GBE1: variants seen among roughly 807,000 people sequenced by gnomAD.
The protein encoded by GBE1 is 1,4-alpha-glucan-branching enzyme.
In GBE1, 70 loss-of-function variants were observed where a neutral mutation model predicts 88.8. That is an observed-to-expected ratio of 0.79 (90% CI 0.65 to 0.96). The LOEUF (loss-of-function observed/expected upper bound fraction) is 0.96. GBE1 is among the 40% of genes least tolerant of loss of function. The probability of loss-of-function intolerance (pLI) is 0.00; values close to 1 mark genes in which losing one functional copy is unlikely to be tolerated. For missense variants in GBE1, 872 were observed against 871.0 expected (o/e 1.00, Z -0.01); for synonymous variants, 284 against 300.1 (o/e 0.95, Z 0.56).
chr3:81,530,881 G>A (rs1703003046), intron 14 of GBE1, among the ~76,000 whole-genome samples: 1 of 151,862 alleles, frequency 6.6e-6, no homozygotes, highest in African/African-American at 2.4e-5. Context: ...GGTGCATCCT[G>A]CCAGGCCTGG....
At chr3:81,718,000 G>A (rs1705964749) in intron 1 of GBE1, among the ~76,000 whole-genome samples, 2 of 139,744 alleles carry the variant, frequency 1.4e-5, no homozygotes, top group East Asian at 2.0e-4. Flanking sequence ...TATTTATTGA[G>A]AAGGAATCTT....
chr3:81,592,295 T>G, intron 8 of GBE1, among the ~76,000 whole-genome samples: 1 of 152,106 alleles, frequency 6.6e-6, no homozygotes, highest in Middle Eastern at 3.2e-3. Context: ...CTCCATTTCC[T>G]CCACTCCTCA....
At position 81,642,984 on chromosome 3, in the gene GBE1, A is replaced by G. The variant is rs1559673593; in HGVS notation, c.789T>C (p.Tyr263=). ...ITSFFAASSR[Y]GTPEELQELV... is the part of the protein sequence containing the mutation. Reference sequence around the variant, plus strand: ...GTTCTTGTAGCTCTTCAGGTGTTCCATAACGGCTAACAATGAAGAACACAG... The same window carrying G: ...GTTCTTGTAGCTCTTCAGGTGTTCCGTAACGGCTAACAATGAAGAACACAG... Residue 263 remains tyrosine (Y), a synonymous_variant, in exon 7 of 16, where the codon TAT becomes TAC. Transcript: ENST00000429644. 4 of 1,604,908 alleles carry G rather than the reference A, an allele frequency of 2.5e-6. No individual in the cohort carries two copies. Among genetic ancestry groups the G allele is most frequent in the South Asian group, 1.1e-5 (1 of 90,208 alleles).
intron 2 of GBE1, among the ~76,000 whole-genome samples, chr3:81,699,618 C>T (rs567317247): frequency 5.9e-5 from 9 of 152,264 alleles, no homozygotes; most frequent in Admixed American, 1.3e-4. Flanking sequence ...CGTTCAAGGG[C>T]TTTAAGCATC....
chr3:81,661,566 A>G (rs1338158753), intron 3 of GBE1, among the ~76,000 whole-genome samples: 1 of 152,164 alleles, frequency 6.6e-6, no homozygotes, highest in Non-Finnish European at 1.5e-5. Flanking sequence ...AGGCTTTTAT[A>G]TGTATCTTGG....
At chr3:81,735,462 C>T (rs994365466) in intron 1 of GBE1, among the ~76,000 whole-genome samples, 4 of 152,144 alleles carry the variant, frequency 2.6e-5, no homozygotes, top group Admixed American at 1.3e-4. Flanking sequence ...TGCCAATTTC[C>T]AGGCTTGATG....
At chr3:81,542,057 C>T (rs1703149217) in intron 12 of GBE1, among the ~76,000 whole-genome samples, 1 of 152,022 alleles carries the variant, frequency 6.6e-6, no homozygotes, top group South Asian at 2.1e-4. Flanking sequence ...TCTATATCCA[C>T]ATCTGTATAT....
chr3:81,755,394 G>GA lies in GBE1; in HGVS notation c.143+5980dup, dbSNP rs543218160. Among the ~76,000 whole-genome samples the GA allele has an allele frequency of 6.1e-4, 90 of 148,304 alleles. No homozygotes were observed. The East Asian group carries it at 0.015, about 24-fold the overall frequency. On this transcript the variant is annotated intron_variant, in intron 1 of 15. Transcript: ENST00000429644. ...GAATGTAAATTACCATAGCCACTTG[G>GA]AAAAAAAAACAGTATAGAAGTTCCT...
intron 12 of GBE1, among the ~76,000 whole-genome samples, chr3:81,556,460 T>C (rs1358893838): frequency 1.3e-5 from 2 of 152,060 alleles, no homozygotes; most frequent in Non-Finnish European, 2.9e-5. Context: ...CTTGAAACTT[T>C]ACAAAGAATC....
intron 1 of GBE1, among the ~76,000 whole-genome samples, chr3:81,737,388 T>TAAA (rs1706279311): frequency 5.7e-5 from 2 of 34,852 alleles, no homozygotes; most frequent in Non-Finnish European, 1.2e-4. Context: ...TTTATATATA[T>TAAA]TTATATAAAT....
intron 3 of GBE1, among the ~76,000 whole-genome samples, chr3:81,659,749 C>A (rs1020740958): frequency 1.3e-5 from 2 of 151,902 alleles, no homozygotes; most frequent in Non-Finnish European, 2.9e-5. Context: ...TAGAGAAATT[C>A]CGAAGACTAC....
In GBE1 at chr3:81,541,742, T is replaced by A. The variant is rs539004510; in HGVS notation, c.1619-4647A>T. 3.3e-5 allele frequency among the ~76,000 whole-genome samples: 5 copies of A among 152,162 alleles called. No homozygotes were observed. In the South Asian group the frequency reaches 8.3e-4, roughly 25 times the overall value. ...GCATCCAGACTATGAGAAATAGTTT[T>A]TGTTGTTTAAGCCACCCAGTCTATG... On this transcript the variant is annotated intron_variant, in intron 12 of 15. Transcript: ENST00000429644.
chr3:81,648,613 C>T (rs974354106), intron 5 of GBE1, among the ~76,000 whole-genome samples: 1 of 152,040 alleles, frequency 6.6e-6, no homozygotes, highest in African/African-American at 2.4e-5. Context: ...TGGAAGTCAT[C>T]AGTTCACATT....
At chr3:81,585,143 T>A (rs540312875) in intron 10 of GBE1, among the ~76,000 whole-genome samples, 1 of 152,118 alleles carries the variant, frequency 6.6e-6, no homozygotes, top group Non-Finnish European at 1.5e-5. Context: ...GACCTGATAA[T>A]GTTTAAGGAA....
chr3:81,755,804 T>C (rs1178091178), intron 1 of GBE1, among the ~76,000 whole-genome samples: 1 of 152,094 alleles, frequency 6.6e-6, no homozygotes, highest in Admixed American at 6.6e-5. Context: ...GATTGGAGGT[T>C]ACCAGAGGCT....
chr3:81,728,066 T>C (rs1297565263), intron 1 of GBE1, among the ~76,000 whole-genome samples: 1 of 152,142 alleles, frequency 6.6e-6, no homozygotes, highest in Admixed American at 6.6e-5. Context: ...ACCTATTTTA[T>C]TTGTATACAG....
chr3:81,600,081 G>C (rs1307353919), intron 7 of GBE1, among the ~76,000 whole-genome samples: 1 of 152,088 alleles, frequency 6.6e-6, no homozygotes, highest in Non-Finnish European at 1.5e-5. Context: ...AGATCATCCT[G>C]GCCAACATTG....
intron 12 of GBE1, among the ~76,000 whole-genome samples, chr3:81,551,923 G>A (rs17476108): frequency 0.12 from 17,651 of 151,482 alleles, 1,299 homozygotes; most frequent in East Asian, 0.2. Flanking sequence ...GCTGAAAGGG[G>A]CCAGGAATGT....
intron 7 of GBE1, among the ~76,000 whole-genome samples, chr3:81,596,178 C>A (rs1175349511): frequency 6.6e-6 from 1 of 151,398 alleles, no homozygotes; most frequent in Non-Finnish European, 1.5e-5. Context: ...TATTTTTTAA[C>A]CAAATATCAG....
Sources: gnomAD v4.1 joint callset for allele counts (sites outside exome capture counted in the v4.1 genomes callset) on GRCh38, gnomAD v4.1.1 for gene constraint, MANE v1.5 for transcripts, NCBI Gene and HGNC (gene_info 2026-07-23, HGNC 2026-07-21) for gene names.